The following SNX30 variants were observed in gnomAD, a reference collection of about 807,000 sequenced individuals.
SNX30 encodes the protein sorting nexin family member 30, also known as sorting nexin-30.
A neutral mutation model predicts 46.4 loss-of-function variants in SNX30; 24 were observed. The ratio of observed to expected loss-of-function variants is 0.52; its 90% CI spans 0.37 to 0.73. The LOEUF is 0.73. SNX30 is among the 30% of genes least tolerant of loss of function. The probability of loss-of-function intolerance (pLI) is 0.00; values close to 1 mark genes in which losing one functional copy is unlikely to be tolerated. For synonymous variants in SNX30, 189 were observed against 211.5 expected (o/e 0.89, Z 0.92); for missense variants, 533 against 555.7 (o/e 0.96, Z 0.41).
rs891401867 is a variant in SNX30 at position 112,837,652 on chromosome 9, T to C, written c.815-846T>C. Among the ~76,000 whole-genome samples, 3 of 151,518 alleles carry C rather than the reference T, an allele frequency of 2.0e-5. No homozygotes were observed. The South Asian group carries it at 6.3e-4, about 32-fold the overall frequency. ...CACCACGCCTGGCTAATTTTTTGTATTTTTAGTAGAGATTGGGTTTCACCA... is the reference window on the plus strand; with the variant it reads ...CACCACGCCTGGCTAATTTTTTGTACTTTTAGTAGAGATTGGGTTTCACCA... On this transcript the variant is annotated intron_variant, in intron 5 of 8. Coordinates refer to ENST00000374232, the MANE Select transcript of SNX30 (RefSeq NM_001012994.2).
chr9:112,795,765 TCACACACA>T (rs1554751568), intron 1 of SNX30, among the ~76,000 whole-genome samples: 19 of 123,332 alleles, frequency 1.5e-4, no homozygotes, highest in South Asian at 5.8e-4. Context: ...CACAGTACAG[TCACACACA>T]CACACACACA....
rs1841435610 is a variant in SNX30, at chr9:112,871,008, A to G, written c.*2165A>G. On this transcript the variant is annotated 3_prime_UTR_variant, in exon 9 of 9. Coordinates refer to ENST00000374232, the MANE Select transcript of SNX30 (RefSeq NM_001012994.2). ...AAGGCAGCACTTGAAAAAATTTACC[A>G]GGTTCCTCACTGGGAGATGTGGGAA... The G allele has an allele frequency of 6.6e-6, 1 of 152,238 alleles. No homozygotes were observed. Among genetic ancestry groups the G allele is most frequent in the Non-Finnish European group, 1.5e-5 (1 of 68,054 alleles). The allele number at this position is 152,238 out of a possible 1,614,324, so 9.4% of individuals were successfully genotyped here.
chr9:112,785,693 TAA>T (rs1839913956), intron 1 of SNX30, among the ~76,000 whole-genome samples: 1 of 152,116 alleles, frequency 6.6e-6, no homozygotes, highest in Non-Finnish European at 1.5e-5. Context: ...CGTGCCTGGC[TAA>T]GTTTTAAATT....
intron 6 of SNX30, among the ~76,000 whole-genome samples, chr9:112,842,937 T>G (rs563759110): frequency 7.9e-5 from 12 of 151,544 alleles, no homozygotes; most frequent in Admixed American, 7.9e-4. Flanking sequence ...TTAGTTACCC[T>G]TAAGCCCAGA....
At chr9:112,856,044 T>C (rs893122338) in intron 7 of SNX30, among the ~76,000 whole-genome samples, 4 of 152,172 alleles carry the variant, frequency 2.6e-5, no homozygotes, top group African/African-American at 9.7e-5. Context: ...TCCTGTCTTC[T>C]GCGTTGGACT....
chr9:112,868,979 C>T lies in SNX30; in HGVS notation c.*136C>T, dbSNP rs951382755. On this transcript the variant is annotated 3_prime_UTR_variant, in exon 9 of 9. Transcript: ENST00000374232. ...TCTCTCCTTTGTGTATTTTTCCCTCCCCCACCTTTCACCCCACAGTGGTTT... is the reference window on the plus strand; with the variant it reads ...TCTCTCCTTTGTGTATTTTTCCCTCTCCCACCTTTCACCCCACAGTGGTTT... 3 of 830,082 alleles carry T rather than the reference C, an allele frequency of 3.6e-6. No homozygotes were observed. Among genetic ancestry groups the T allele is most frequent in the Non-Finnish European group, 6.0e-6 (3 of 498,818 alleles). 51.4% of individuals were successfully genotyped at this position (830,082 alleles called of 1,614,324 possible).
chr9:112,883,398 GTC>G (rs369278126), downstream of SNX30, among the ~76,000 whole-genome samples: 31 of 152,214 alleles, frequency 2.0e-4, no homozygotes, highest in South Asian at 6.4e-3. Context: ...TTCAAATCCT[GTC>G]TCTGCCACTT....
intron 1 of SNX30, among the ~76,000 whole-genome samples, chr9:112,776,750 G>A (rs984310620): frequency 6.6e-6 from 1 of 152,240 alleles, no homozygotes; most frequent in African/African-American, 2.4e-5. Flanking sequence ...GGAGCAGATA[G>A]AGTCTAGGTC....
chr9:112,809,896 A>G lies in SNX30; in HGVS notation c.348+4929A>G, dbSNP rs1159340157. Among the ~76,000 whole-genome samples the G allele has an allele frequency of 3.3e-5, 5 of 151,626 alleles. No homozygotes were observed. In the South Asian group the frequency reaches 1.0e-3, roughly 32 times the overall value. On this transcript the variant is annotated intron_variant, in intron 2 of 8. Transcript: ENST00000374232. ...TTTTTTTTGGACTGCTGCTGTTTTT[A>G]AGGATGAAAGAGACTTGTTTAACTG...
chr9:112,758,793 T>C (rs1564258304), intron 1 of SNX30, among the ~76,000 whole-genome samples: 1 of 152,140 alleles, frequency 6.6e-6, no homozygotes, highest in Admixed American at 6.5e-5. Flanking sequence ...GGAACATTGC[T>C]GGAGGCCAGG....
intron 1 of SNX30, among the ~76,000 whole-genome samples, chr9:112,759,642 T>G (rs1367696908): frequency 6.6e-6 from 1 of 151,592 alleles, no homozygotes; most frequent in Non-Finnish European, 1.5e-5. Flanking sequence ...GGCAGGAGAA[T>G]CGCTTGAACC....
chr9:112,816,017 CTT>C (rs985777137), intron 2 of SNX30, among the ~76,000 whole-genome samples: 26 of 152,080 alleles, frequency 1.7e-4, no homozygotes, highest in African/African-American at 5.5e-4. Flanking sequence ...TAATTTAAAA[CTT>C]TTTTTTGCAG....
rs1841452025 is a variant in SNX30 at position 112,871,912 on chromosome 9, C to T, written c.*3069C>T. On this transcript the variant is annotated 3_prime_UTR_variant, in exon 9 of 9. Coordinates refer to ENST00000374232, the MANE Select transcript of SNX30 (RefSeq NM_001012994.2). Reference sequence around the variant, plus strand: ...GGAGGGAACATACCACCCAGCCAGGCTTAGCATTGGGTTTTATCCTTTAAT... The same window carrying T: ...GGAGGGAACATACCACCCAGCCAGGTTTAGCATTGGGTTTTATCCTTTAAT... The T allele has an allele frequency of 6.6e-6, 1 of 152,178 alleles. No individual in the cohort carries two copies. The highest frequency in any genetic ancestry group is 2.1e-4 in the South Asian group (1 of 4,826). The allele number at this position is 152,178 out of a possible 1,614,324, so 9.4% of individuals were successfully genotyped here.
intron 2 of SNX30, among the ~76,000 whole-genome samples, chr9:112,816,251 C>A (rs181080394): frequency 6.6e-5 from 10 of 152,312 alleles, no homozygotes; most frequent in Admixed American, 3.3e-4. Context: ...CCTTCCTACT[C>A]CGCCTGTGCG....
intron 7 of SNX30, among the ~76,000 whole-genome samples, chr9:112,861,337 C>T (rs1432381900): frequency 2.6e-5 from 4 of 152,202 alleles, no homozygotes; most frequent in African/African-American, 9.6e-5. Flanking sequence ...TTGGTCCTGT[C>T]AGCCCAACTC....
intron 1 of SNX30, among the ~76,000 whole-genome samples, chr9:112,786,117 CTTTTTTTT>C (rs140987500): frequency 7.7e-6 from 1 of 130,170 alleles, no homozygotes; most frequent in Non-Finnish European, 1.7e-5. Flanking sequence ...AGGAGCTGTC[CTTTTTTTT>C]TTTTTTTTTG....
chr9:112,751,517 T>G (rs1288132476), intron 1 of SNX30, among the ~76,000 whole-genome samples: 1 of 152,214 alleles, frequency 6.6e-6, no homozygotes, highest in Admixed American at 6.5e-5. Flanking sequence ...AGCTGCTGCA[T>G]AACTTGTAGC....
chr9:112,824,894 A>G (rs955663337), intron 3 of SNX30, among the ~76,000 whole-genome samples: 3 of 152,114 alleles, frequency 2.0e-5, no homozygotes, highest in Admixed American at 6.5e-5. Flanking sequence ...TTGTACGACC[A>G]TCACCACCAT....
At chr9:112,848,264 C>A (rs946123667) in intron 6 of SNX30, among the ~76,000 whole-genome samples, 1 of 152,018 alleles carries the variant, frequency 6.6e-6, no homozygotes, top group Non-Finnish European at 1.5e-5. Context: ...CTCTTTACCC[C>A]ACTGCCGGCT....
Sources: allele counts gnomAD v4.1 joint callset (sites outside exome capture counted in the v4.1 genomes callset), GRCh38; gene constraint gnomAD v4.1.1; transcripts MANE v1.5; gene names NCBI Gene and HGNC (gene_info 2026-07-23, HGNC 2026-07-21).